The following TENM2 variants were observed in gnomAD, a reference collection of about 807,000 sequenced individuals.
TENM2 encodes teneurin-2.
A neutral mutation model predicts 245.2 loss-of-function variants in TENM2; 52 were observed. The observed-to-expected ratio is 0.21, with a 90% CI of 0.17 to 0.27. The LOEUF (loss-of-function observed/expected upper bound fraction) is 0.27, where lower values mean the gene tolerates loss of function less well. Among genes scored for constraint, TENM2 ranks in the 10% least tolerant of loss-of-function variants. TENM2 has a pLI of 1.00. For missense variants in TENM2, 3,046 were observed against 3,666.8 expected (o/e 0.83, Z 4.37); for synonymous variants, 1,363 against 1,438.9 (o/e 0.95, Z 1.19).
the TENM2 span, among the ~76,000 whole-genome samples, chr5:167,100,715 G>A: frequency 6.6e-6 from 1 of 151,988 alleles, no homozygotes; most frequent in Non-Finnish European, 1.5e-5. Flanking sequence ...GGGTGGGGGA[G>A]GGGTGCAACA....
chr5:167,999,785 T>C (rs1422326256), intron 5 of TENM2, among the ~76,000 whole-genome samples: 1 of 152,196 alleles, frequency 6.6e-6, no homozygotes, highest in Non-Finnish European at 1.5e-5. Flanking sequence ...TTCTCACCCT[T>C]GTGGGCAGAC....
chr5:168,174,472 G>C (rs571363260), intron 13 of TENM2, among the ~76,000 whole-genome samples: 72 of 152,284 alleles, frequency 4.7e-4, no homozygotes, highest in Non-Finnish European at 4.9e-4. Context: ...CATCTTATAC[G>C]TCAGTGAGCA....
At chr5:167,510,403 G>A (rs2127568632) in intron 2 of TENM2, among the ~76,000 whole-genome samples, 1 of 152,288 alleles carries the variant, frequency 6.6e-6, no homozygotes, top group South Asian at 2.1e-4. Flanking sequence ...ACTGAAGCAA[G>A]CGAGCACCCA....
chr5:167,535,175 G>C (rs1771769263), intron 2 of TENM2, among the ~76,000 whole-genome samples: 1 of 151,876 alleles, frequency 6.6e-6, no homozygotes, highest in African/African-American at 2.4e-5. Flanking sequence ...ATAAGTTATT[G>C]ACCATTTGGG....
intron 2 of TENM2, among the ~76,000 whole-genome samples, chr5:167,659,007 C>G (rs1283488317): frequency 6.6e-6 from 1 of 152,172 alleles, no homozygotes; most frequent in East Asian, 1.9e-4. Context: ...AAACATTACA[C>G]TCTTTTCAAA....
chr5:168,239,597 C>T (rs1765907200), intron 25 of TENM2, among the ~76,000 whole-genome samples: 1 of 152,146 alleles, frequency 6.6e-6, no homozygotes, highest in East Asian at 1.9e-4. Context: ...CATCCAAGCA[C>T]TAACCAGGCC....
At chr5:167,632,654 C>T (rs1380397404) in intron 2 of TENM2, among the ~76,000 whole-genome samples, 2 of 152,118 alleles carry the variant, frequency 1.3e-5, no homozygotes, top group Non-Finnish European at 2.9e-5. Context: ...GACTGGTATA[C>T]ACACTAGGAA....
At chr5:167,939,274 C>A (rs1194686373) in intron 3 of TENM2, among the ~76,000 whole-genome samples, 1 of 152,152 alleles carries the variant, frequency 6.6e-6, no homozygotes, top group African/African-American at 2.4e-5. Context: ...AAGGAGCGTG[C>A]AACCTAGAAC....
At chr5:167,754,061 C>T (rs3749800) in intron 2 of TENM2, among the ~76,000 whole-genome samples, 4,057 of 152,238 alleles carry the variant, frequency 0.027, 227 homozygotes, top group East Asian at 0.18. Context: ...AGCAGCTACA[C>T]TATGACATTC....
At chr5:167,639,463 T>C (rs930417049) in intron 2 of TENM2, among the ~76,000 whole-genome samples, 3 of 152,200 alleles carry the variant, frequency 2.0e-5, no homozygotes, top group Non-Finnish European at 4.4e-5. Flanking sequence ...TCTGACTTTG[T>C]CTCTTACCAC....
At chr5:167,609,901 A>G (rs944827977) in intron 2 of TENM2, among the ~76,000 whole-genome samples, 3 of 152,044 alleles carry the variant, frequency 2.0e-5, no homozygotes, top group East Asian at 1.9e-4. Context: ...TTCAATTCCA[A>G]TGCTATCTAC....
At chr5:167,619,899 G>A (rs1453181284) in intron 2 of TENM2, among the ~76,000 whole-genome samples, 1 of 152,098 alleles carries the variant, frequency 6.6e-6, no homozygotes, top group Non-Finnish European at 1.5e-5. Flanking sequence ...TTCATGGTAG[G>A]TGGACAAAAA....
intron 2 of TENM2, among the ~76,000 whole-genome samples, chr5:167,532,318 TA>T (rs1200234755): frequency 6.6e-6 from 1 of 152,020 alleles, no homozygotes; most frequent in Non-Finnish European, 1.5e-5. Flanking sequence ...TTTTTATATA[TA>T]TATGTATATA....
chr5:168,142,485 G>A lies in TENM2; in HGVS notation c.2422+15519G>A, dbSNP rs576973916. On this transcript the variant is annotated intron_variant, in intron 12 of 28. Coordinates refer to ENST00000518659, the Ensembl canonical transcript of TENM2. ...AACAATTTCAGCGTTATAAAGTTAT[G>A]TCTTTTAGGAGACATTAAAATGTTG... 4.6e-5 allele frequency among the ~76,000 whole-genome samples: 7 copies of A among 152,320 alleles called. No individual in the cohort carries two copies. In the East Asian group the frequency reaches 1.3e-3, roughly 29 times the overall value.
chr5:167,746,472 A>G (rs1297173937), intron 2 of TENM2, among the ~76,000 whole-genome samples: 7 of 152,150 alleles, frequency 4.6e-5, no homozygotes, highest in Admixed American at 4.6e-4. Context: ...GTGAATGACA[A>G]ACAGCCATGG....
chr5:167,707,956 G>A (rs983458944), intron 2 of TENM2, among the ~76,000 whole-genome samples: 2 of 152,174 alleles, frequency 1.3e-5, no homozygotes, highest in South Asian at 4.1e-4. Flanking sequence ...GAAAAGGAAC[G>A]GTGTGGTGCT....
chr5:167,296,812 C>T (rs541787693), intron 1 of TENM2, among the ~76,000 whole-genome samples: 1 of 152,358 alleles, frequency 6.6e-6, no homozygotes, highest in African/African-American at 2.4e-5. Context: ...TTAACACTTT[C>T]TGTTTCACAA....
chr5:167,176,597 A>G, the TENM2 span, among the ~76,000 whole-genome samples: 82 of 152,362 alleles, frequency 5.4e-4, 1 homozygote, highest in African/African-American at 1.9e-3. Context: ...CACATGGGTG[A>G]ATCATGCTGT....
chr5:167,135,907 C>T, the TENM2 span, among the ~76,000 whole-genome samples: 2 of 152,138 alleles, frequency 1.3e-5, no homozygotes, highest in African/African-American at 2.4e-5. Context: ...GTATAAACAA[C>T]AAGGTAAAGA....
Sources: allele counts gnomAD v4.1 joint callset (sites outside exome capture counted in the v4.1 genomes callset), GRCh38; gene constraint gnomAD v4.1.1; transcripts MANE v1.5; gene names NCBI Gene and HGNC (gene_info 2026-07-23, HGNC 2026-07-21).